Variants in CNOT4 observed in about 807,000 individuals in gnomAD.
The protein encoded by CNOT4 is CCR4-NOT transcription complex subunit 4.
A neutral mutation model predicts 73.8 loss-of-function variants in CNOT4; 8 were observed. The observed-to-expected ratio is 0.11, with a 90% CI of 0.06 to 0.20. The LOEUF is 0.20. CNOT4 is among the 10% of genes least tolerant of loss of function. CNOT4 has a pLI of 1.00. For synonymous variants in CNOT4, 293 were observed against 321.1 expected, an observed-to-expected ratio of 0.91 and a Z score of 0.94; for missense variants, 564 against 883.4, an observed-to-expected ratio of 0.64 and a Z score of 4.58.
At chr7:135,478,938 T>G (rs1478844773) in intron 1 of CNOT4, among the ~76,000 whole-genome samples, 2 of 151,974 alleles carry the variant, frequency 1.3e-5, no homozygotes, top group Non-Finnish European at 2.9e-5. Context: ...ACTGAAAAAT[T>G]TTTCCATGAA....
At chr7:135,444,239 T>G (rs1423256601) in intron 1 of CNOT4, among the ~76,000 whole-genome samples, 1 of 152,094 alleles carries the variant, frequency 6.6e-6, no homozygotes, top group Non-Finnish European at 1.5e-5. Flanking sequence ...AACTTAGAAT[T>G]AGTGTATGAC....
chr7:135,423,155 G>C (rs1458963951), intron 2 of CNOT4, among the ~76,000 whole-genome samples: 1 of 152,134 alleles, frequency 6.6e-6, no homozygotes, highest in African/African-American at 2.4e-5. Context: ...AATAGTTAAT[G>C]ATAAATGGAA....
chr7:135,395,902 C>T lies in CNOT4; in HGVS notation c.880-19G>A. 2 of 1,545,632 alleles carry T rather than the reference C, an allele frequency of 1.3e-6. No individual in the cohort carries two copies. The highest frequency in any genetic ancestry group is 1.8e-6 in the Non-Finnish European group (2 of 1,119,484). Reference sequence around the variant, plus strand: ...TAGATATCTGAATAAAAAAGGAAAACAAATAATAACTACATGTTTATACAT... The same window carrying T: ...TAGATATCTGAATAAAAAAGGAAAATAAATAATAACTACATGTTTATACAT... On this transcript the variant is annotated intron_variant, in intron 8 of 11. Transcript: ENST00000541284.
At chr7:135,390,227 G>T (rs1290897251) in intron 10 of CNOT4, among the ~76,000 whole-genome samples, 1 of 152,062 alleles carries the variant, frequency 6.6e-6, no homozygotes, top group Non-Finnish European at 1.5e-5. Flanking sequence ...ATGAAGGAGG[G>T]CATCGTTGTA....
chr7:135,458,211 G>A (rs1038831628), intron 1 of CNOT4, among the ~76,000 whole-genome samples: 5 of 152,060 alleles, frequency 3.3e-5, no homozygotes, highest in African/African-American at 1.2e-4. Flanking sequence ...CATATTAAAG[G>A]TATGTTTACA....
At chr7:135,402,615 G>GGTT (rs1247059212) in intron 7 of CNOT4, among the ~76,000 whole-genome samples, 5 of 152,024 alleles carry the variant, frequency 3.3e-5, no homozygotes, top group Non-Finnish European at 5.9e-5. Flanking sequence ...AAAGAGAAGA[G>GGTT]GAACACAATG....
chr7:135,400,535 AAAT>A (rs1250771498), intron 7 of CNOT4, among the ~76,000 whole-genome samples: 3 of 152,164 alleles, frequency 2.0e-5, no homozygotes, highest in African/African-American at 7.2e-5. Context: ...TAAGAGCACT[AAAT>A]AATAATTTTC....
intron 8 of CNOT4, among the ~76,000 whole-genome samples, chr7:135,396,101 G>C (rs1370782214): frequency 7.5e-6 from 1 of 133,076 alleles, no homozygotes; most frequent in African/African-American, 2.8e-5. Context: ...GATTAAACTA[G>C]TCTCCCTTTT....
At chr7:135,387,900 T>C in intron 10 of CNOT4, 3 of 963,074 alleles carry the variant, frequency 3.1e-6, no homozygotes, top group Non-Finnish European at 3.7e-6. Context: ...TCTGGTCAGG[T>C]ACTTATAATA....
intron 1 of CNOT4, among the ~76,000 whole-genome samples, chr7:135,451,540 G>A (rs1001881045): frequency 6.6e-6 from 1 of 152,036 alleles, no homozygotes; most frequent in Non-Finnish European, 1.5e-5. Context: ...TGATCTGCCC[G>A]CCTCGACCTC....
chr7:135,453,154 T>G (rs1800282580), intron 1 of CNOT4, among the ~76,000 whole-genome samples: 1 of 152,194 alleles, frequency 6.6e-6, no homozygotes, highest in Non-Finnish European at 1.5e-5. Context: ...CTCCTATAAA[T>G]TAGTCTTTTT....
chr7:135,464,024 C>CAAAAACAAAAAAAA (rs1801060076), intron 1 of CNOT4, among the ~76,000 whole-genome samples: 1 of 109,640 alleles, frequency 9.1e-6, no homozygotes. Flanking sequence ...ATTAAAAAGT[C>CAAAAACAAAAAAAA]AAAAAAAAAA....
At chr7:135,390,273 A>G (rs1323183475) in intron 10 of CNOT4, among the ~76,000 whole-genome samples, 1 of 152,156 alleles carries the variant, frequency 6.6e-6, no homozygotes, top group Non-Finnish European at 1.5e-5. Context: ...TTTGAGATCT[A>G]AGTTCTTACC....
At chr7:135,408,051 A>C (rs1349047412) in intron 7 of CNOT4, among the ~76,000 whole-genome samples, 1 of 152,188 alleles carries the variant, frequency 6.6e-6, no homozygotes, top group Non-Finnish European at 1.5e-5. Context: ...TGTTTATCAA[A>C]TTGGCAAGTA....
chr7:135,412,122 G>A (rs1246494260), intron 6 of CNOT4, among the ~76,000 whole-genome samples: 2 of 151,864 alleles, frequency 1.3e-5, no homozygotes, highest in African/African-American at 2.4e-5. Flanking sequence ...TTTAAAACAT[G>A]AAAAGTCTTG....
chr7:135,471,566 C>T (rs1801576048), intron 1 of CNOT4, among the ~76,000 whole-genome samples: 1 of 152,118 alleles, frequency 6.6e-6, no homozygotes, highest in Non-Finnish European at 1.5e-5. Context: ...ATTATCAAGA[C>T]ATAAAATTAT....
intron 10 of CNOT4, among the ~76,000 whole-genome samples, chr7:135,367,823 G>A (rs758926788): frequency 6.6e-6 from 1 of 151,934 alleles, no homozygotes; most frequent in Non-Finnish European, 1.5e-5. Flanking sequence ...AGCAAGCAAA[G>A]TATAATAAAA....
intron 1 of CNOT4, among the ~76,000 whole-genome samples, chr7:135,468,009 A>T (rs1374053220): frequency 6.6e-6 from 1 of 151,906 alleles, no homozygotes; most frequent in Non-Finnish European, 1.5e-5. Context: ...AGGTCAGAAG[A>T]TTGAGACCAT....
intron 1 of CNOT4, among the ~76,000 whole-genome samples, chr7:135,481,428 G>A (rs1049687649): frequency 6.6e-6 from 1 of 151,860 alleles, no homozygotes; most frequent in Non-Finnish European, 1.5e-5. Context: ...TAAAACACAC[G>A]GACACACACA....
Sources: allele counts gnomAD v4.1 joint callset (sites outside exome capture counted in the v4.1 genomes callset), GRCh38; gene constraint gnomAD v4.1.1; transcripts MANE v1.5; gene names NCBI Gene and HGNC (gene_info 2026-07-23, HGNC 2026-07-21).